Variants in TIGAR observed in about 807,000 individuals in gnomAD.
The protein encoded by TIGAR is TP53 induced glycolysis regulatory phosphatase, also known as fructose-2,6-bisphosphatase TIGAR.
TIGAR carries 7 observed loss-of-function variants against 17.9 expected under a neutral mutation model. That is an observed-to-expected ratio of 0.39 (90% CI 0.22 to 0.73). TIGAR has a LOEUF of 0.73. Ranked by LOEUF, TIGAR falls within the 30% of genes least tolerant of loss-of-function variation. The pLI, the probability that TIGAR is intolerant of heterozygous loss-of-function variation, is 0.42. For missense variants in TIGAR, 258 were observed against 327.4 expected (o/e 0.79, Z 1.64); for synonymous variants, 94 against 108.6 (o/e 0.87, Z 0.84).
rs866793687 is a variant in TIGAR at position 4,337,059 on chromosome 12, C to T, written c.91C>T (p.Leu31Phe). Residue 31 changes from leucine to phenylalanine, a missense_variant, in exon 3 of 6, where the codon CTT becomes TTT. Coordinates refer to ENST00000179259, the MANE Select transcript of TIGAR (RefSeq NM_020375.3). ...IIQGQGVDEP[L>F]SETGFKQAAA... ...CACAGGACAAGGAGTAGATGAACCTCTTTCAGAAACTGGATTTAAACAAGC... is the reference window on the plus strand; with the variant it reads ...CACAGGACAAGGAGTAGATGAACCTTTTTCAGAAACTGGATTTAAACAAGC... The T allele has an allele frequency of 6.2e-7, 1 of 1,612,022 alleles. No individual in the cohort carries two copies. The highest frequency in any genetic ancestry group is 2.2e-5 in the East Asian group (1 of 44,846).
chr12:4,347,739 C>A (rs1864796469), intron 3 of TIGAR, among the ~76,000 whole-genome samples: 1 of 151,972 alleles, frequency 6.6e-6, no homozygotes, highest in African/African-American at 2.4e-5. Flanking sequence ...AAAATGAAAA[C>A]CTCAGTGGAA....
In TIGAR at chr12:4,356,074, G is replaced by T. The variant is rs11063100; in HGVS notation, c.*3383G>T. Among the ~76,000 whole-genome samples, 1 of 152,222 alleles carries T rather than the reference G, an allele frequency of 6.6e-6. No homozygotes were observed. Among genetic ancestry groups the T allele is most frequent in the Non-Finnish European group, 1.5e-5 (1 of 68,036 alleles). ...GCCAGTTTGGGCAGTGATGTGATCA[G>T]ACTTGTTTCAGCAGGACCATCCTGC... On this transcript the variant is annotated 3_prime_UTR_variant, in exon 6 of 6. Transcript: ENST00000179259.
rs1163238353 is a variant in TIGAR, at chr12:4,349,863, G to A, written c.237G>A (p.Met79Ile). The A allele has an allele frequency of 6.3e-7, 1 of 1,580,720 alleles. No individual in the cohort carries two copies. Among genetic ancestry groups the A allele is most frequent in the Middle Eastern group, 1.7e-4 (1 of 6,002 alleles). ...ILERSKFCKD[M>I]TVKYDSRLRE... is the part of the protein sequence containing the mutation. Reference sequence around the variant, plus strand: ...AGAGAAGCAAATTTTGCAAAGATATGACGGTAAAGTATGACTCAAGACTTC... The same window carrying A: ...AGAGAAGCAAATTTTGCAAAGATATAACGGTAAAGTATGACTCAAGACTTC... The change falls in exon 4 of 6, where the codon ATG (methionine) becomes ATA (isoleucine). Residue 79 changes from methionine to isoleucine, a missense_variant. Physicochemically the swap from Met to Ile is conservative, Grantham distance 10. Coordinates refer to ENST00000179259, the MANE Select transcript of TIGAR (RefSeq NM_020375.3).
rs772333304 is a variant in TIGAR, at chr12:4,352,325, A to G, written c.447A>G (p.Gln149=). The change falls in exon 6 of 6, where the codon CAA becomes CAG. Residue 149 remains glutamine (Q), a synonymous_variant. Coordinates refer to ENST00000179259, the MANE Select transcript of TIGAR (RefSeq NM_020375.3). ...LCQLILKEAD[Q]KEQFSQGSPS... is the part of the protein sequence containing the mutation. ...AACTAATCCTGAAAGAAGCGGATCA[A>G]AAAGAACAGTTTTCCCAAGGATCTC... 2.9e-5 allele frequency: 47 copies of G among 1,614,038 alleles called. No homozygotes were observed. Among genetic ancestry groups the G allele is most frequent in the Non-Finnish European group, 3.6e-5 (43 of 1,180,026 alleles).
At chr12:4,331,548 A>C (rs1864603602) in intron 2 of TIGAR, among the ~76,000 whole-genome samples, 2 of 152,154 alleles carry the variant, frequency 1.3e-5, no homozygotes, top group Admixed American at 6.5e-5. Flanking sequence ...GTTATTCTTT[A>C]TGTATGGCTT....
intron 4 of TIGAR, among the ~76,000 whole-genome samples, chr12:4,350,350 T>C (rs1411779851): frequency 1.3e-5 from 2 of 152,232 alleles, no homozygotes; most frequent in Non-Finnish European, 2.9e-5. Flanking sequence ...TTTATATACA[T>C]ATTGCCAAGT....
At chr12:4,335,489 C>A (rs1057167632) in intron 2 of TIGAR, 1 of 152,138 alleles carries the variant, frequency 6.6e-6, no homozygotes, top group Non-Finnish European at 1.5e-5. Flanking sequence ...CACAAGGGTG[C>A]AGCCCTCATG....
rs1358698729 is a variant in TIGAR at position 4,355,167 on chromosome 12, T to C, written c.*2476T>C. On this transcript the variant is annotated 3_prime_UTR_variant, in exon 6 of 6. Transcript: ENST00000179259. Reference sequence around the variant, plus strand: ...GTCATACAGTAATGTCTTCTTACAGTTTTTGAGAACTTCTGAATGTCAAAT... The same window carrying C: ...GTCATACAGTAATGTCTTCTTACAGCTTTTGAGAACTTCTGAATGTCAAAT... Among the ~76,000 whole-genome samples the C allele has an allele frequency of 6.6e-6, 1 of 152,230 alleles. No individual in the cohort carries two copies. Among genetic ancestry groups the C allele is most frequent in the Non-Finnish European group, 1.5e-5 (1 of 68,032 alleles).
At chr12:4,341,567 CATTTGCTGTTCAGCAAT>C (rs1434415837) in intron 3 of TIGAR, among the ~76,000 whole-genome samples, 6 of 152,368 alleles carry the variant, frequency 3.9e-5, no homozygotes, top group East Asian at 1.9e-4. Context: ...CAGGCAGCAA[CATTTGCTGTTCAGCAAT>C]ATTTGCTGTT....
intron 3 of TIGAR, among the ~76,000 whole-genome samples, chr12:4,337,654 GA>G (rs796193517): frequency 6.6e-6 from 1 of 151,562 alleles, no homozygotes; most frequent in African/African-American, 2.4e-5. Flanking sequence ...GAGTAGCCTA[GA>G]AAAAAAAGTC....
intron 3 of TIGAR, among the ~76,000 whole-genome samples, chr12:4,346,034 T>G (rs1333871859): frequency 3.3e-5 from 5 of 152,104 alleles, no homozygotes; most frequent in Non-Finnish European, 5.9e-5. Context: ...ATCAGAGAAA[T>G]GCAAATCAAA....
chr12:4,355,546 C>G lies in TIGAR; in HGVS notation c.*2855C>G, dbSNP rs551607248. 6.6e-6 allele frequency among the ~76,000 whole-genome samples: 1 copy of G among 152,272 alleles called. No individual in the cohort carries two copies. The highest frequency in any genetic ancestry group is 2.4e-5 in the African/African-American group (1 of 41,546). On this transcript the variant is annotated 3_prime_UTR_variant, in exon 6 of 6. Transcript: ENST00000179259. ...GTCAATTTCCAGAAAAATTCTGTTA[C>G]AAATTTTATTGGAGTCACATGCATC...
At chr12:4,324,415 C>T (rs1864514723) in intron 1 of TIGAR, 2 of 1,417,832 alleles carry the variant, frequency 1.4e-6, no homozygotes, top group Non-Finnish European at 2.0e-6. Context: ...GGCCCCGATG[C>T]CGGGCCGGCA....
rs1202298229 is a variant in TIGAR, at chr12:4,359,431, T to C, written c.*6740T>C. 6.6e-6 allele frequency among the ~76,000 whole-genome samples: 1 copy of C among 152,074 alleles called. No individual in the cohort carries two copies. Among genetic ancestry groups the C allele is most frequent in the Non-Finnish European group, 1.5e-5 (1 of 68,012 alleles). On this transcript the variant is annotated 3_prime_UTR_variant, in exon 6 of 6. Coordinates refer to ENST00000179259, the MANE Select transcript of TIGAR (RefSeq NM_020375.3). The stretch of plus-strand genomic sequence containing the variant: ...CCCGAGCCCCAGCCCCAGAATCAGC[T>C]TTTTCTCTAAAGAGCCCTGGTTCTT...
At chr12:4,331,011 T>G (rs1282496320) in intron 1 of TIGAR, among the ~76,000 whole-genome samples, 1 of 152,220 alleles carries the variant, frequency 6.6e-6, no homozygotes, top group Non-Finnish European at 1.5e-5. Flanking sequence ...TATTTTTTAG[T>G]AGGATTTTCC....
chr12:4,324,323 CTTT>C lies in TIGAR; in HGVS notation c.32+3035_32+3037del, dbSNP rs34096957. On this transcript the variant is annotated intron_variant, in intron 1 of 5. Transcript: ENST00000179259. Reference sequence around the variant, plus strand: ...CCGGCAAAACCATCCATTTAACTTCCTTTTTTTTTTTTTTTTTGGAAATATGTG... The same window carrying C: ...CCGGCAAAACCATCCATTTAACTTCCTTTTTTTTTTTTTTGGAAATATGTG... 2.8e-3 allele frequency: 1,728 copies of C among 620,920 alleles called. 1 individual carries two copies. Among genetic ancestry groups the C allele is most frequent in the Admixed American group, 4.3e-3 (151 of 35,526 alleles). The allele number at this position is 620,920 out of a possible 1,614,324, so 38.5% of individuals were successfully genotyped here. A position where few individuals can be genotyped will look rare whatever the true frequency, so the allele number is the denominator to read the frequency against.
rs1158578298 is a variant in TIGAR at position 4,359,486 on chromosome 12, C to T, written c.*6795C>T. ...AATGAAATGAAAGACGCCTGGTGTG[C>T]ATGGTATTTAGAAACCAAGATCTCG... On this transcript the variant is annotated 3_prime_UTR_variant, in exon 6 of 6. Coordinates refer to ENST00000179259, the MANE Select transcript of TIGAR (RefSeq NM_020375.3). 1.3e-5 allele frequency among the ~76,000 whole-genome samples: 2 copies of T among 152,030 alleles called. No homozygotes were observed. The highest frequency in any genetic ancestry group is 4.8e-5 in the African/African-American group (2 of 41,392).
chr12:4,335,808 G>A (rs1429126832), intron 2 of TIGAR, among the ~76,000 whole-genome samples: 1 of 152,064 alleles, frequency 6.6e-6, no homozygotes, highest in Non-Finnish European at 1.5e-5. Context: ...CCGTGTACTG[G>A]GTAATATCTT....
intron 2 of TIGAR, among the ~76,000 whole-genome samples, chr12:4,331,738 C>T (rs1409247922): frequency 6.6e-6 from 1 of 152,086 alleles, no homozygotes; most frequent in Admixed American, 6.6e-5. Flanking sequence ...AAAAAAAGAA[C>T]TATTTTCACA....
Sources: gnomAD v4.1 joint callset for allele counts (sites outside exome capture counted in the v4.1 genomes callset) on GRCh38, gnomAD v4.1.1 for gene constraint, MANE v1.5 for transcripts, NCBI Gene and HGNC (gene_info 2026-07-23, HGNC 2026-07-21) for gene names.